RAE1: variants seen among roughly 807,000 people sequenced by gnomAD.
RAE1 encodes the protein ribonucleic acid export 1.
Under a neutral mutation model 52.7 loss-of-function variants are expected in RAE1, and 13 were observed. The observed-to-expected ratio is 0.25, with a 90% CI of 0.16 to 0.39. The LOEUF (loss-of-function observed/expected upper bound fraction) is 0.39. Among genes scored for constraint, RAE1 ranks in the 10% least tolerant of loss-of-function variants. The probability of loss-of-function intolerance (pLI) is 1.00; values close to 1 mark genes in which losing one functional copy is unlikely to be tolerated. For missense variants in RAE1, 262 were observed against 459.8 expected, an observed-to-expected ratio of 0.57 and a Z score of 3.93; for synonymous variants, 164 against 153.1, an observed-to-expected ratio of 1.07 and a Z score of -0.52.
intron 4 of RAE1, among the ~76,000 whole-genome samples, chr20:57,362,579 G>A (rs944880776): frequency 1.3e-5 from 2 of 152,192 alleles, no homozygotes; most frequent in African/African-American, 4.8e-5. Flanking sequence ...TTGCTCAAAT[G>A]TTATCTAATG....
intron 11 of RAE1, 71 bp downstream of exon 11, chr20:57,374,872 G>A: frequency 6.4e-7 from 1 of 1,559,254 alleles, no homozygotes. Context: ...GAAGGCCTAG[G>A]CCTGAGTTGT....
At chr20:57,374,284 G>T (rs1028989221) in intron 10 of RAE1, among the ~76,000 whole-genome samples, 1 of 152,170 alleles carries the variant, frequency 6.6e-6, no homozygotes, top group African/African-American at 2.4e-5. Flanking sequence ...CCTCAGGAGC[G>T]CTGGTAGACA....
At chr20:57,375,071 G>C in intron 11 of RAE1, 1 of 696,952 alleles carries the variant, frequency 1.4e-6, no homozygotes, top group Non-Finnish European at 2.6e-6. Flanking sequence ...AGAAGCACAG[G>C]CAAGCCGGGG....
At position 57,365,434 on chromosome 20, in the gene RAE1, A is replaced by G. The variant is rs1323999638; in HGVS notation, c.367A>G (p.Ile123Val). The change falls in exon 5 of 12, where the codon ATC (isoleucine) becomes GTC (valine). Residue 123 changes from isoleucine to valine, a missense_variant. Physicochemically the swap from Ile to Val is conservative, Grantham distance 29. Coordinates refer to ENST00000395841, the MANE Select transcript of RAE1 (RefSeq NM_003610.4). ...WDLSSNQAIQ[I>V]AQHDAPVKTI... is the part of the protein sequence containing the mutation. The stretch of plus-strand genomic sequence containing the variant: ...CCTCAGCAGTAACCAAGCGATACAG[A>G]TCGCACAGGTAACAGAAGCCTCTGC... 6 of 1,603,906 alleles carry G rather than the reference A, an allele frequency of 3.7e-6. No individual in the cohort carries two copies. The highest frequency in any genetic ancestry group is 2.2e-5 in the East Asian group (1 of 44,530).
Position 57,354,737 on chromosome 20 carries a change from A to T in RAE1, c.116A>T (p.Asp39Val). 3 of 1,600,646 alleles carry T rather than the reference A, an allele frequency of 1.9e-6. No homozygotes were observed. The highest frequency in any genetic ancestry group is 2.6e-6 in the Non-Finnish European group (3 of 1,174,982). ...MKDIEVTSSP[D>V]DSIGCLSFSP... is the part of the protein sequence containing the mutation. ...GATATTGAAGTAACATCATCTCCTG[A>T]TGATAGCATTGGTTGTCTGTCTTTT... The change falls in exon 3 of 12, where the codon GAT becomes GTT. Residue 39 changes from aspartate to valine, a missense_variant. Transcript: ENST00000395841.
Position 57,379,165 on chromosome 20 carries a change from TAAAA to T in RAE1, c.*1069_*1072del, listed in dbSNP as rs976356992. 2 of 152,140 alleles carry T rather than the reference TAAAA, an allele frequency of 1.3e-5. No individual in the cohort carries two copies. Among genetic ancestry groups the T allele is most frequent in the African/African-American group, 4.8e-5 (2 of 41,422 alleles). The allele number at this position is 152,140 out of a possible 1,614,324, so 9.4% of individuals were successfully genotyped here. A position where few individuals can be genotyped will look rare whatever the true frequency, so the allele number is the denominator to read the frequency against. ...GTTGTAAGATGTGTTTGCCTACTCA[TAAAA>T]AACAATGAAAATAAAATTTTCTACT... is the stretch of plus-strand genomic sequence containing the variant. On this transcript the variant is annotated 3_prime_UTR_variant, in exon 12 of 12. Coordinates refer to ENST00000395841, the MANE Select transcript of RAE1 (RefSeq NM_003610.4).
chr20:57,359,784 G>C (rs1356162467), intron 4 of RAE1: 1 of 152,226 alleles, frequency 6.6e-6, no homozygotes, highest in Non-Finnish European at 1.5e-5. Context: ...GTTATTTCTA[G>C]TTAATGCATT....
At chr20:57,357,952 T>G (rs1568780384) in intron 4 of RAE1, 3 of 149,894 alleles carry the variant, frequency 2.0e-5, no homozygotes, top group Non-Finnish European at 4.4e-5. Flanking sequence ...TGACTTCATA[T>G]GAAATCGTGT....
At chr20:57,372,147 G>A (rs1055468775) in intron 8 of RAE1, 3 of 152,206 alleles carry the variant, frequency 2.0e-5, no homozygotes, top group Admixed American at 6.5e-5. Context: ...TGTGTTAAGC[G>A]GTGGCTCTCA....
In RAE1 at chr20:57,354,014, T is replaced by C; in HGVS notation, c.-7-18T>C. ...ATTAAGAGAAAACCCATCCTTAACA[T>C]TTTTCATTACTTTTTAGGTTCAAAA... On this transcript the variant is annotated intron_variant, in intron 1 of 11. Transcript: ENST00000395841. The C allele has an allele frequency of 6.2e-7, 1 of 1,601,938 alleles. No individual in the cohort carries two copies. The highest frequency in any genetic ancestry group is 8.5e-7 in the Non-Finnish European group (1 of 1,170,424).
chr20:57,356,636 T>TGG, intron 4 of RAE1, 98 bp downstream of exon 4: 2 of 1,069,242 alleles, frequency 1.9e-6, no homozygotes, highest in Non-Finnish European at 2.7e-6. Context: ...TATGTGTTCA[T>TGG]ATTGTAGGAA....
intron 4 of RAE1, chr20:57,359,180 CG>C (rs2066851214): frequency 2.1e-6 from 1 of 481,368 alleles, no homozygotes; most frequent in Non-Finnish European, 3.4e-6. Context: ...GGTAAACAGG[CG>C]GGGTAAGATT....
Position 57,375,247 on chromosome 20 carries a change from G to A in RAE1, c.1020+446G>A. 5.0e-6 allele frequency: 3 copies of A among 596,840 alleles called. No homozygotes were observed. In the South Asian group the frequency reaches 6.0e-5, roughly 12 times the overall value. 37.0% of individuals were successfully genotyped at this position (596,840 alleles called of 1,614,324 possible). A position where few individuals can be genotyped will look rare whatever the true frequency, so the allele number is the denominator to read the frequency against. ...ATGATGGTGAAATGTGTAGACTCGG[G>A]TACTCTGCCCAACCCCATGGGAAGT... On this transcript the variant is annotated intron_variant, in intron 11 of 11. Transcript: ENST00000395841.
At chr20:57,361,110 GA>G (rs1476988537) in intron 4 of RAE1, among the ~76,000 whole-genome samples, 11 of 151,336 alleles carry the variant, frequency 7.3e-5, no homozygotes, top group African/African-American at 2.7e-4. Flanking sequence ...AAGAAAGAAA[GA>G]AAGAAATAGA....
At chr20:57,353,414 A>G (rs2066739425) in intron 1 of RAE1, among the ~76,000 whole-genome samples, 1 of 152,212 alleles carries the variant, frequency 6.6e-6, no homozygotes, top group Non-Finnish European at 1.5e-5. Flanking sequence ...TTAGATTATG[A>G]TATTCAAGAA....
intron 11 of RAE1, 88 bp downstream of exon 11, chr20:57,374,889 T>C: frequency 7.0e-7 from 1 of 1,435,168 alleles, no homozygotes; most frequent in Non-Finnish European, 9.8e-7. Context: ...TTGTGACTCT[T>C]CTCAGGACTC....
At chr20:57,353,550 C>T (rs1458520577) in intron 1 of RAE1, among the ~76,000 whole-genome samples, 1 of 152,184 alleles carries the variant, frequency 6.6e-6, no homozygotes, top group African/African-American at 2.4e-5. Flanking sequence ...TAGTTTCATG[C>T]GGATGCTGAC....
intron 2 of RAE1, 26 bp from the exon 3 acceptor site, chr20:57,354,685 AT>A: frequency 6.6e-7 from 1 of 1,515,774 alleles, no homozygotes; most frequent in African/African-American, 1.4e-5. Context: ...GCGTGCATAC[AT>A]TTTAACATTG....
At chr20:57,374,170 G>A (rs1409324692) in intron 10 of RAE1, among the ~76,000 whole-genome samples, 6 of 152,160 alleles carry the variant, frequency 3.9e-5, no homozygotes, top group Non-Finnish European at 8.8e-5. Context: ...GTGAGCCACC[G>A]CACTTGGCCT....
Sources: gnomAD v4.1 joint callset for allele counts (sites outside exome capture counted in the v4.1 genomes callset) on GRCh38, gnomAD v4.1.1 for gene constraint, MANE v1.5 for transcripts, NCBI Gene and HGNC (gene_info 2026-07-23, HGNC 2026-07-21) for gene names.